Variants in METTL15 observed in about 807,000 individuals in gnomAD.
METTL15 encodes the protein 12S rRNA N(4)-cytidine methyltransferase METTL15.
Under a neutral mutation model 38.3 loss-of-function variants are expected in METTL15, and 34 were observed. That is an observed-to-expected ratio of 0.89 (90% CI 0.68 to 1.18). METTL15 has a LOEUF of 1.18. Among genes scored for constraint, METTL15 ranks in the 50% most tolerant of loss-of-function variants. The pLI, the probability that METTL15 is intolerant of heterozygous loss-of-function variation, is 0.00. For synonymous variants in METTL15, 162 were observed against 170.9 expected (o/e 0.95, Z 0.41); for missense variants, 438 against 498.4 (o/e 0.88, Z 1.15).
chr11:28,361,280 T>C (rs886847237), intron 4 of METTL15, among the ~76,000 whole-genome samples: 7 of 150,980 alleles, frequency 4.6e-5, no homozygotes, highest in Admixed American at 6.6e-5. Flanking sequence ...CCACCAACAG[T>C]GTAAAAGTGT....
intron 6 of METTL15, among the ~76,000 whole-genome samples, chr11:28,300,954 CA>C (rs1048122022): frequency 2.6e-5 from 4 of 152,136 alleles, no homozygotes; most frequent in African/African-American, 9.7e-5. Flanking sequence ...TCTTCATCTT[CA>C]TCTCTCCTAC....
At chr11:28,132,995 A>T (rs1357728457) in intron 3 of METTL15, among the ~76,000 whole-genome samples, 1 of 152,196 alleles carries the variant, frequency 6.6e-6, no homozygotes, top group African/African-American at 2.4e-5. Context: ...ATGCATAAGG[A>T]ATTTAATTAC....
intron 3 of METTL15, among the ~76,000 whole-genome samples, chr11:28,184,533 T>C (rs1297959758): frequency 6.6e-6 from 1 of 151,920 alleles, no homozygotes; most frequent in South Asian, 2.1e-4. Context: ...TAGTCATTCA[T>C]GAGTGGGTTG....
rs1430031468 is a variant in METTL15, at chr11:28,332,864, G to C, written c.*2023G>C. On this transcript the variant is annotated 3_prime_UTR_variant, in exon 7 of 7. Transcript: ENST00000407364. ...GGAGTCTGAGGCACAAGAATCACTC[G>C]AACCTGGGAGGTGGAGGTTGCGAGA... The C allele has an allele frequency of 2.0e-5, 3 of 149,614 alleles. No homozygotes were observed. In the South Asian group the frequency reaches 6.3e-4, roughly 32 times the overall value. 9.3% of individuals were successfully genotyped at this position (149,614 alleles called of 1,614,324 possible).
At chr11:28,199,823 ACCT>A (rs947893169) in intron 3 of METTL15, among the ~76,000 whole-genome samples, 3 of 150,950 alleles carry the variant, frequency 2.0e-5, no homozygotes, top group Non-Finnish European at 4.4e-5. Context: ...GCTCACTGCA[ACCT>A]CCTCCTCCCA....
At chr11:28,237,096 C>T (rs1328634703) in intron 4 of METTL15, among the ~76,000 whole-genome samples, 2 of 151,972 alleles carry the variant, frequency 1.3e-5, no homozygotes, top group African/African-American at 2.4e-5. Flanking sequence ...TTGCTCTTCT[C>T]GAGGAGTATC....
intron 4 of METTL15, among the ~76,000 whole-genome samples, chr11:28,233,435 C>G (rs1044256283): frequency 6.6e-6 from 1 of 151,656 alleles, no homozygotes; most frequent in East Asian, 1.9e-4. Context: ...TATGTAACAT[C>G]TAAATACTCA....
At chr11:28,219,772 G>C (rs943935199) in intron 4 of METTL15, among the ~76,000 whole-genome samples, 13 of 151,900 alleles carry the variant, frequency 8.6e-5, no homozygotes, top group Admixed American at 8.5e-4. Flanking sequence ...CTTTGTTCTC[G>C]TTGGTTTCAA....
At chr11:28,233,369 G>A (rs1853773881) in intron 4 of METTL15, among the ~76,000 whole-genome samples, 1 of 151,976 alleles carries the variant, frequency 6.6e-6, no homozygotes, top group South Asian at 2.1e-4. Flanking sequence ...TAATTTTCTT[G>A]TATAAATGAT....
At chr11:28,374,023 G>A (rs1450033288) in intron 5 of METTL15, among the ~76,000 whole-genome samples, 1 of 151,978 alleles carries the variant, frequency 6.6e-6, no homozygotes, top group African/African-American at 2.4e-5. Context: ...CCATTGATCT[G>A]TATCTCTGTT....
intron 4 of METTL15, among the ~76,000 whole-genome samples, chr11:28,211,718 T>C (rs1030668694): frequency 5.2e-4 from 79 of 152,090 alleles, no homozygotes; most frequent in African/African-American, 1.8e-3. Context: ...ATATAAAATA[T>C]TATATGAATG....
At chr11:28,279,914 CA>C (rs57284585) in intron 4 of METTL15, among the ~76,000 whole-genome samples, 20,685 of 81,662 alleles carry the variant, frequency 0.25, 1,474 homozygotes, top group East Asian at 0.38. Context: ...CAAAACAAAA[CA>C]AAAAAAAAAA....
intron 6 of METTL15, among the ~76,000 whole-genome samples, chr11:28,479,783 T>C (rs1170713254): frequency 6.6e-6 from 1 of 152,210 alleles, no homozygotes; most frequent in Non-Finnish European, 1.5e-5. Flanking sequence ...TATATTTGGA[T>C]ATAAATATGT....
chr11:28,301,390 T>G (rs527560242), intron 6 of METTL15, among the ~76,000 whole-genome samples: 1 of 152,224 alleles, frequency 6.6e-6, no homozygotes, highest in South Asian at 2.1e-4. Flanking sequence ...GTTGAGATGG[T>G]CTCCTATGTG....
chr11:28,356,421 G>A (rs1169274581), intron 4 of METTL15, among the ~76,000 whole-genome samples: 1 of 152,176 alleles, frequency 6.6e-6, no homozygotes, highest in Non-Finnish European at 1.5e-5. Context: ...AAGTATATGG[G>A]AAGGTTAGAT....
intron 3 of METTL15, among the ~76,000 whole-genome samples, chr11:28,184,965 T>C (rs1851440331): frequency 6.6e-6 from 1 of 151,488 alleles, no homozygotes; most frequent in African/African-American, 2.4e-5. Context: ...ATATTGAAAG[T>C]TTATTTTTAA....
chr11:28,192,309 T>G (rs1851727016), intron 3 of METTL15, among the ~76,000 whole-genome samples: 1 of 151,976 alleles, frequency 6.6e-6, no homozygotes, highest in Non-Finnish European at 1.5e-5. Flanking sequence ...GAATCATATT[T>G]ATTGCAACAA....
chr11:28,334,964 G>T (rs1302398703), downstream of METTL15, among the ~76,000 whole-genome samples: 1 of 152,076 alleles, frequency 6.6e-6, no homozygotes, highest in Non-Finnish European at 1.5e-5. Flanking sequence ...GCAGGAGATT[G>T]TGTCTTTGGT....
At chr11:28,417,064 G>A (rs905576498) in intron 5 of METTL15, among the ~76,000 whole-genome samples, 1 of 152,152 alleles carries the variant, frequency 6.6e-6, no homozygotes, top group Non-Finnish European at 1.5e-5. Flanking sequence ...ACAGCTATTT[G>A]GAGAACTCTG....
Sources: allele counts gnomAD v4.1 joint callset (sites outside exome capture counted in the v4.1 genomes callset), GRCh38; gene constraint gnomAD v4.1.1; transcripts MANE v1.5; gene names NCBI Gene and HGNC (gene_info 2026-07-23, HGNC 2026-07-21).